TACR3: variants seen among roughly 807,000 people sequenced by gnomAD.
The protein encoded by TACR3 is neuromedin-K receptor.
TACR3 carries 34 observed loss-of-function variants against 35.0 expected under a neutral mutation model. The observed-to-expected ratio is 0.97, with a 90% confidence interval of 0.74 to 1.30. The LOEUF is 1.30. Ranked by LOEUF, TACR3 falls within the 50% of genes most tolerant of loss-of-function variation. The probability of loss-of-function intolerance (pLI) is 0.00; values close to 1 mark genes in which losing one functional copy is unlikely to be tolerated. For missense variants in TACR3, 558 were observed against 591.7 expected, an observed-to-expected ratio of 0.94 and a Z score of 0.59; for synonymous variants, 233 against 221.1, an observed-to-expected ratio of 1.05 and a Z score of -0.48.
At chr4:103,629,673 C>T (rs1434739930) in intron 3 of TACR3, among the ~76,000 whole-genome samples, 1 of 151,998 alleles carries the variant, frequency 6.6e-6, no homozygotes, top group Admixed American at 6.6e-5. Flanking sequence ...ATTCCATGCT[C>T]ATGGGTAGGA....
chr4:103,687,770 A>G (rs573773215), intron 1 of TACR3, among the ~76,000 whole-genome samples: 63 of 152,334 alleles, frequency 4.1e-4, no homozygotes, highest in African/African-American at 7.5e-4. Flanking sequence ...ATGGAAGAAC[A>G]TTCCATGCTC....
At chr4:103,694,217 C>T (rs1339148151) in intron 1 of TACR3, among the ~76,000 whole-genome samples, 1 of 148,128 alleles carries the variant, frequency 6.8e-6, no homozygotes, top group Admixed American at 6.6e-5. Flanking sequence ...CTTCCTTACA[C>T]TATGCACATT....
At chr4:103,646,467 TTTAA>T (rs1725456995) in intron 3 of TACR3, among the ~76,000 whole-genome samples, 1 of 152,016 alleles carries the variant, frequency 6.6e-6, no homozygotes, top group Admixed American at 6.6e-5. Context: ...ATTATAATCA[TTTAA>T]ATATTATGTT....
intron 1 of TACR3, among the ~76,000 whole-genome samples, chr4:103,675,357 T>G (rs1010399823): frequency 1.6e-4 from 25 of 152,304 alleles, no homozygotes; most frequent in African/African-American, 5.3e-4. Flanking sequence ...ACAGTGACAC[T>G]AGACATCTTA....
intron 3 of TACR3, among the ~76,000 whole-genome samples, chr4:103,625,616 C>T (rs1396205725): frequency 1.3e-5 from 2 of 152,084 alleles, no homozygotes; most frequent in Admixed American, 1.3e-4. Flanking sequence ...TATTTAGTAG[C>T]ACTCTCACTT....
chr4:103,710,388 AAC>A, intron 1 of TACR3, among the ~76,000 whole-genome samples: 1 of 152,304 alleles, frequency 6.6e-6, no homozygotes, highest in South Asian at 2.1e-4. Context: ...GAAACTGAAC[AAC>A]GTGCTCCTGA....
At chr4:103,616,951 A>T (rs1362398708) in intron 3 of TACR3, among the ~76,000 whole-genome samples, 1 of 152,166 alleles carries the variant, frequency 6.6e-6, no homozygotes, top group African/African-American at 2.4e-5. Flanking sequence ...TTATTTCAAA[A>T]TAATATTAAA....
chr4:103,604,987 C>G (rs1162133641), intron 3 of TACR3, among the ~76,000 whole-genome samples: 1 of 130,832 alleles, frequency 7.6e-6, no homozygotes, highest in Non-Finnish European at 1.6e-5. Context: ...CCCCTCCCCC[C>G]ACCCCACAAC....
At chr4:103,632,971 G>C (rs1207188021) in intron 3 of TACR3, among the ~76,000 whole-genome samples, 1 of 152,066 alleles carries the variant, frequency 6.6e-6, no homozygotes, top group East Asian at 1.9e-4. Flanking sequence ...AACTTACATA[G>C]TGAGTACATA....
rs7697497 is a variant in TACR3 at position 103,648,713 on chromosome 4, G to C, written c.888+7481C>G. Reference sequence around the variant, plus strand: ...TGATGGACATTTAGGTTGCTTCCAAGTCTTGGCTATTGTGAATAATGTTGC... The same window carrying C: ...TGATGGACATTTAGGTTGCTTCCAACTCTTGGCTATTGTGAATAATGTTGC... On this transcript the variant is annotated intron_variant, in intron 3 of 4. Transcript: ENST00000304883. 5.0e-3 allele frequency among the ~76,000 whole-genome samples: 754 copies of C among 152,184 alleles called. 11 individuals carry two copies. The highest frequency in any genetic ancestry group is 0.017 in the African/African-American group (722 of 41,546).
intron 1 of TACR3, among the ~76,000 whole-genome samples, chr4:103,688,976 A>G (rs376281281): frequency 2.0e-5 from 3 of 152,106 alleles, no homozygotes; most frequent in Admixed American, 6.5e-5. Flanking sequence ...ACTATTCACA[A>G]TAGCAAAGAC....
At chr4:103,644,321 G>A (rs1324353643) in intron 3 of TACR3, among the ~76,000 whole-genome samples, 5 of 151,798 alleles carry the variant, frequency 3.3e-5, no homozygotes, top group Non-Finnish European at 1.5e-5. Context: ...TTGTATACAT[G>A]GTAATATTAT....
At chr4:103,598,258 G>A (rs945543143) in intron 3 of TACR3, among the ~76,000 whole-genome samples, 4 of 152,198 alleles carry the variant, frequency 2.6e-5, no homozygotes, top group Admixed American at 1.3e-4. Context: ...CTTCTTTTGA[G>A]AAGTGTCTGT....
intron 3 of TACR3, among the ~76,000 whole-genome samples, chr4:103,605,970 A>C (rs1205072265): frequency 6.6e-6 from 1 of 151,960 alleles, no homozygotes; most frequent in Non-Finnish European, 1.5e-5. Context: ...CGTACGTTTA[A>C]GTCTTTAATC....
At chr4:103,680,925 TCTAA>T (rs2110208951) in intron 1 of TACR3, among the ~76,000 whole-genome samples, 1 of 152,066 alleles carries the variant, frequency 6.6e-6, no homozygotes, top group Non-Finnish European at 1.5e-5. Flanking sequence ...AAAAGAAAAC[TCTAA>T]TTATAGGAGT....
intron 1 of TACR3, among the ~76,000 whole-genome samples, chr4:103,686,434 A>C (rs1256512619): frequency 6.6e-6 from 1 of 152,136 alleles, no homozygotes; most frequent in Non-Finnish European, 1.5e-5. Flanking sequence ...ACACAAGAAA[A>C]AAACTGAGCA....
At chr4:103,638,913 T>C (rs1725276705) in intron 3 of TACR3, among the ~76,000 whole-genome samples, 1 of 152,132 alleles carries the variant, frequency 6.6e-6, no homozygotes, top group African/African-American at 2.4e-5. Context: ...CCAGTTAGAA[T>C]GGCGATCATT....
intron 3 of TACR3, among the ~76,000 whole-genome samples, chr4:103,608,131 C>G (rs1277518894): frequency 1.3e-5 from 2 of 152,018 alleles, no homozygotes; most frequent in South Asian, 4.1e-4. Context: ...CCACGCTATT[C>G]ACAATAGCAA....
rs1313649650 is a variant in TACR3 at position 103,650,992 on chromosome 4, A to G, written c.888+5202T>C. 2.5e-5 allele frequency among the ~76,000 whole-genome samples: 2 copies of G among 79,930 alleles called. 1 individual carries two copies. Among genetic ancestry groups the G allele is most frequent in the Non-Finnish European group, 4.4e-5 (2 of 45,036 alleles). 52.4% of individuals were successfully genotyped at this position (79,930 alleles called of 152,430 possible). A position where few individuals can be genotyped will look rare whatever the true frequency, so the allele number is the denominator to read the frequency against. On this transcript the variant is annotated intron_variant, in intron 3 of 4. Coordinates refer to ENST00000304883, the MANE Select transcript of TACR3 (RefSeq NM_001059.3). ...ATATATATCTTATATATAATAATAT[A>G]TATATCTCATATATAATAATATATA...
Sources: gnomAD v4.1 joint callset for allele counts (sites outside exome capture counted in the v4.1 genomes callset) on GRCh38, gnomAD v4.1.1 for gene constraint, MANE v1.5 for transcripts, NCBI Gene and HGNC (gene_info 2026-07-23, HGNC 2026-07-21) for gene names.